Variants in ABRAXAS2 observed in about 807,000 individuals in gnomAD.
The protein encoded by ABRAXAS2 is abraxas 2, BRISC complex subunit, also known as BRISC complex subunit Abraxas 2.
Under a neutral mutation model 49.0 loss-of-function variants are expected in ABRAXAS2, and 23 were observed. That is an observed-to-expected ratio of 0.47 (90% CI 0.34 to 0.66). ABRAXAS2 has a LOEUF of 0.66. Among genes scored for constraint, ABRAXAS2 ranks in the 30% least tolerant of loss-of-function variants. The pLI is 0.01. For missense variants in ABRAXAS2, 443 were observed against 511.9 expected (o/e 0.87, Z 1.30); for synonymous variants, 168 against 180.2 (o/e 0.93, Z 0.54).
intron 6 of ABRAXAS2, 70 bp downstream of exon 6, chr10:124,828,945 A>T: frequency 6.6e-7 from 1 of 1,518,416 alleles, no homozygotes; most frequent in Non-Finnish European, 9.0e-7. Flanking sequence ...AACATTTAAA[A>T]GGTGTATGGA....
At chr10:124,824,094 G>C (rs1950881186) in intron 4 of ABRAXAS2, among the ~76,000 whole-genome samples, 1 of 151,888 alleles carries the variant, frequency 6.6e-6, no homozygotes, top group Non-Finnish European at 1.5e-5. Context: ...TAGAGATGGG[G>C]TCTTGCTATC....
intron 1 of ABRAXAS2, among the ~76,000 whole-genome samples, chr10:124,802,233 G>A (rs1950709988): frequency 6.6e-6 from 1 of 152,172 alleles, no homozygotes; most frequent in African/African-American, 2.4e-5. Context: ...CTGAAAGTCA[G>A]GCTTCTAGAC....
rs1000764775 is a variant in ABRAXAS2, at chr10:124,828,769, A to C, written c.472A>C (p.Ile158Leu). 6.8e-6 allele frequency: 11 copies of C among 1,613,448 alleles called. No homozygotes were observed. The African/African-American group carries it at 1.1e-4, about 16-fold the overall frequency. The change falls in exon 6 of 9, where the codon ATA (isoleucine) becomes CTA (leucine). Residue 158 changes from isoleucine to leucine, a missense_variant. By Grantham distance (5) the Ile-to-Leu change is conservative (BLOSUM62 2). Coordinates refer to ENST00000298492, the MANE Select transcript of ABRAXAS2 (RefSeq NM_032182.4). ...TTTTTCCCATAGGTATAATCAGAGG[A>C]TATCACTCGCTATTCCCAATCTAGG... ...FRPNRRYNQR[I>L]SLAIPNLGNT...
chr10:124,818,467 A>G, intron 3 of ABRAXAS2, among the ~76,000 whole-genome samples: 1 of 152,068 alleles, frequency 6.6e-6, no homozygotes, highest in East Asian at 1.9e-4. Context: ...ACATCTGTCT[A>G]TTCCAAACTC....
intron 6 of ABRAXAS2, among the ~76,000 whole-genome samples, chr10:124,829,163 A>T (rs1950915030): frequency 6.6e-6 from 1 of 152,242 alleles, no homozygotes; most frequent in African/African-American, 2.4e-5. Context: ...AAAGCTAAAC[A>T]TAGTCACTGA....
intron 2 of ABRAXAS2, chr10:124,815,060 A>G (rs191708468): frequency 6.6e-6 from 1 of 152,390 alleles, no homozygotes; most frequent in Admixed American, 6.5e-5. Context: ...CTGCAGACCA[A>G]CCAAGGTAAG....
At chr10:124,813,281 G>A (rs1057106479) in intron 2 of ABRAXAS2, among the ~76,000 whole-genome samples, 1 of 152,224 alleles carries the variant, frequency 6.6e-6, no homozygotes, top group African/African-American at 2.4e-5. Flanking sequence ...TGAAAAAGCT[G>A]TGCTAACTCA....
At chr10:124,823,888 TG>T (rs1950878340) in intron 4 of ABRAXAS2, among the ~76,000 whole-genome samples, 1 of 152,172 alleles carries the variant, frequency 6.6e-6, no homozygotes, top group Non-Finnish European at 1.5e-5. Flanking sequence ...CATCCTTCAT[TG>T]ATGAGAATGA....
rs776709234 is a variant in ABRAXAS2 at position 124,826,761 on chromosome 10, A to T, written c.434A>T (p.Tyr145Phe). Residue 145 changes from tyrosine (Y) to phenylalanine (F), a missense_variant, in exon 5 of 9, where the codon TAT becomes TTT. Physicochemically the swap from Tyr to Phe is conservative, Grantham distance 22. Transcript: ENST00000298492. ...AACAATTCCACTCACGCTTTAGAATATGTGCTCTTCAGACCAAATAGAAGG... is the reference window on the plus strand; with the variant it reads ...AACAATTCCACTCACGCTTTAGAATTTGTGCTCTTCAGACCAAATAGAAGG... The part of the protein sequence containing the change: ...TANNSTHALE[Y>F]VLFRPNRRYN... The T allele has an allele frequency of 6.2e-7, 1 of 1,614,072 alleles. No homozygotes were observed. The highest frequency in any genetic ancestry group is 8.5e-7 in the Non-Finnish European group (1 of 1,180,042).
chr10:124,827,772 C>T (rs1384930022), intron 5 of ABRAXAS2, among the ~76,000 whole-genome samples: 1 of 151,666 alleles, frequency 6.6e-6, no homozygotes, highest in East Asian at 1.9e-4. Flanking sequence ...AAAACCACCC[C>T]TATGATTATA....
chr10:124,828,125 G>A (rs1360005171), intron 5 of ABRAXAS2, among the ~76,000 whole-genome samples: 3 of 152,192 alleles, frequency 2.0e-5, no homozygotes, highest in South Asian at 2.1e-4. Context: ...GTTTACCAAC[G>A]TCAGCAACTA....
Position 124,826,624 on chromosome 10 carries a change from C to T in ABRAXAS2, c.297C>T (p.Arg99=). 1.9e-6 allele frequency: 3 copies of T among 1,614,000 alleles called. No homozygotes were observed. Among genetic ancestry groups the T allele is most frequent in the Non-Finnish European group, 8.5e-7 (1 of 1,179,950 alleles). Residue 99 remains arginine (R), a synonymous_variant, in exon 5 of 9, where the codon CGC becomes CGT. Transcript: ENST00000298492. Reference sequence around the variant, plus strand: ...TCATTGGGTGGTACAGATTCCGGCGCAATACGCAGCAGCAGATGTCCTACA... The same window carrying T: ...TCATTGGGTGGTACAGATTCCGGCGTAATACGCAGCAGCAGATGTCCTACA... ...KKVIGWYRFR[R]NTQQQMSYRE...
chr10:124,818,552 G>T (rs1302988187), intron 3 of ABRAXAS2, among the ~76,000 whole-genome samples: 1 of 152,168 alleles, frequency 6.6e-6, no homozygotes, highest in Non-Finnish European at 1.5e-5. Context: ...AACAGAACTG[G>T]AGCTGGAGCT....
rs565514360 is a variant in ABRAXAS2, at chr10:124,833,462, C to T, written c.779-1040C>T. On this transcript the variant is annotated intron_variant, in intron 8 of 8. Coordinates refer to ENST00000298492, the MANE Select transcript of ABRAXAS2 (RefSeq NM_032182.4). ...CCTGGGTGACAGAGTGAGACCCTGT[C>T]TCAACAAACAGAAAACTAGGATATA... is the stretch of plus-strand genomic sequence containing the variant. Among the ~76,000 whole-genome samples, 6 of 152,250 alleles carry T rather than the reference C, an allele frequency of 3.9e-5. No individual in the cohort carries two copies. In the South Asian group the frequency reaches 1.2e-3, roughly 32 times the overall value.
At chr10:124,831,211 AT>A (rs990447895) in intron 7 of ABRAXAS2, 137 bp from the exon 8 acceptor site, 3 of 625,948 alleles carry the variant, frequency 4.8e-6, no homozygotes, top group Non-Finnish European at 8.6e-6. Flanking sequence ...GGCTTTCATG[AT>A]TTTGTTCTAC....
At chr10:124,815,196 C>CT (rs879653367) in intron 2 of ABRAXAS2, 169 of 144,848 alleles carry the variant, frequency 1.2e-3, no homozygotes, top group Middle Eastern at 3.5e-3. Context: ...GCTATGGTTC[C>CT]TTTTTTTTTT....
At chr10:124,816,051 C>T (rs887725996) in intron 2 of ABRAXAS2, among the ~76,000 whole-genome samples, 7 of 151,872 alleles carry the variant, frequency 4.6e-5, no homozygotes, top group African/African-American at 1.2e-4. Flanking sequence ...TACAGGCGCC[C>T]GCCACCACGC....
chr10:124,810,548 T>G (rs1950780149), intron 2 of ABRAXAS2, among the ~76,000 whole-genome samples: 1 of 151,708 alleles, frequency 6.6e-6, no homozygotes, highest in Non-Finnish European at 1.5e-5. Context: ...ACTTGCGATG[T>G]GTAAGACGGT....
intron 1 of ABRAXAS2, among the ~76,000 whole-genome samples, chr10:124,805,345 A>G (rs1950734899): frequency 1.3e-5 from 2 of 152,040 alleles, no homozygotes; most frequent in African/African-American, 4.8e-5. Context: ...CGTCTCAAAA[A>G]AAAAAAAAAA....
Sources: gnomAD v4.1 joint callset for allele counts (sites outside exome capture counted in the v4.1 genomes callset) on GRCh38, gnomAD v4.1.1 for gene constraint, MANE v1.5 for transcripts, NCBI Gene and HGNC (gene_info 2026-07-23, HGNC 2026-07-21) for gene names.